CNTNAP5: variants seen among roughly 807,000 people sequenced by gnomAD.
CNTNAP5 encodes contactin associated protein family member 5.
In CNTNAP5, 72 loss-of-function variants were observed where a neutral mutation model predicts 150.2. That is an observed-to-expected ratio of 0.48 (90% confidence interval 0.40 to 0.58). CNTNAP5 has a LOEUF of 0.58. CNTNAP5 is among the 20% of genes least tolerant of loss of function. CNTNAP5 has a pLI of 0.00. For synonymous variants in CNTNAP5, 672 were observed against 619.8 expected, an observed-to-expected ratio of 1.08 and a Z score of -1.25; for missense variants, 1,636 against 1,626.2, an observed-to-expected ratio of 1.01 and a Z score of -0.10.
intron 3 of CNTNAP5, among the ~76,000 whole-genome samples, chr2:124,398,277 G>A (rs1238231603): frequency 6.6e-6 from 1 of 152,116 alleles, no homozygotes; most frequent in Non-Finnish European, 1.5e-5. Context: ...CCATTAGGAT[G>A]AACAAGGAGA....
At chr2:124,246,260 C>T (rs373327381) in intron 3 of CNTNAP5, among the ~76,000 whole-genome samples, 1 of 152,072 alleles carries the variant, frequency 6.6e-6, no homozygotes, top group Non-Finnish European at 1.5e-5. Context: ...TTGCAATGTA[C>T]GGTAGCAATT....
chr2:124,429,553 T>C (rs75147847), intron 4 of CNTNAP5, among the ~76,000 whole-genome samples: 12,908 of 152,222 alleles, frequency 0.085, 675 homozygotes, highest in Admixed American at 0.13. Flanking sequence ...GGCTGGAGCC[T>C]GTTGTGTGCA....
chr2:124,735,795 A>C (rs1470916601), intron 13 of CNTNAP5, among the ~76,000 whole-genome samples: 1 of 152,174 alleles, frequency 6.6e-6, no homozygotes, highest in African/African-American at 2.4e-5. Context: ...TTTATCTGTA[A>C]GATGAGAATG....
intron 17 of CNTNAP5, among the ~76,000 whole-genome samples, chr2:124,775,157 C>T (rs560173915): frequency 6.6e-6 from 1 of 152,224 alleles, no homozygotes; most frequent in African/African-American, 2.4e-5. Flanking sequence ...TTTGAATTTT[C>T]CTATTTAGAG....
chr2:124,251,697 G>A (rs1476276838), intron 3 of CNTNAP5, among the ~76,000 whole-genome samples: 1 of 152,148 alleles, frequency 6.6e-6, no homozygotes, highest in Non-Finnish European at 1.5e-5. Flanking sequence ...GGAGGAATAT[G>A]CACAGATGGG....
chr2:124,157,593 G>A (rs901396874), intron 1 of CNTNAP5, among the ~76,000 whole-genome samples: 1 of 152,096 alleles, frequency 6.6e-6, no homozygotes, highest in Non-Finnish European at 1.5e-5. Flanking sequence ...GAAGAAAGAA[G>A]GGGTCCATAC....
chr2:124,827,465 A>G, intron 19 of CNTNAP5, among the ~76,000 whole-genome samples: 1 of 152,042 alleles, frequency 6.6e-6, no homozygotes, highest in East Asian at 1.9e-4. Context: ...AGATCTTCTA[A>G]ATCTGATGTT....
At chr2:124,080,154 C>A (rs1558748027) in intron 1 of CNTNAP5, among the ~76,000 whole-genome samples, 1 of 152,122 alleles carries the variant, frequency 6.6e-6, no homozygotes, top group African/African-American at 2.4e-5. Flanking sequence ...GTTAAAATAG[C>A]ATTTTCCTTA....
intron 1 of CNTNAP5, among the ~76,000 whole-genome samples, chr2:124,130,996 C>G (rs1458568359): frequency 6.6e-6 from 1 of 152,024 alleles, no homozygotes; most frequent in Non-Finnish European, 1.5e-5. Flanking sequence ...GAAGAATATT[C>G]ACATAAATAT....
chr2:124,134,657 G>A (rs1046699333), intron 1 of CNTNAP5, among the ~76,000 whole-genome samples: 4 of 152,096 alleles, frequency 2.6e-5, no homozygotes, highest in African/African-American at 9.7e-5. Context: ...TAATTGAAAT[G>A]AAAGACACAC....
chr2:124,288,017 C>T (rs572702150), intron 3 of CNTNAP5, among the ~76,000 whole-genome samples: 147 of 152,156 alleles, frequency 9.7e-4, no homozygotes, highest in Non-Finnish European at 1.7e-3. Flanking sequence ...GCAGCCATGA[C>T]CTCCCTGGCT....
At chr2:124,561,840 T>C (rs969204327) in intron 10 of CNTNAP5, among the ~76,000 whole-genome samples, 7 of 152,226 alleles carry the variant, frequency 4.6e-5, no homozygotes, top group Non-Finnish European at 1.0e-4. Context: ...CTCAGATTCT[T>C]AGTGGCTTCA....
intron 8 of CNTNAP5, among the ~76,000 whole-genome samples, chr2:124,523,273 G>A (rs1479706644): frequency 1.3e-5 from 2 of 152,164 alleles, no homozygotes; most frequent in Non-Finnish European, 2.9e-5. Context: ...CTTTGCAAGC[G>A]AGGAAACTGA....
At chr2:124,490,614 A>T (rs907320366) in intron 7 of CNTNAP5, among the ~76,000 whole-genome samples, 2 of 152,110 alleles carry the variant, frequency 1.3e-5, no homozygotes, top group Non-Finnish European at 2.9e-5. Flanking sequence ...ATAATGATGC[A>T]CTAGATTTGT....
intron 7 of CNTNAP5, among the ~76,000 whole-genome samples, chr2:124,481,395 C>G (rs963317703): frequency 6.6e-6 from 1 of 152,160 alleles, no homozygotes; most frequent in African/African-American, 2.4e-5. Flanking sequence ...AGTGTTATGA[C>G]TTTTCCTTTC....
At chr2:124,157,523 C>T (rs189970125) in intron 1 of CNTNAP5, among the ~76,000 whole-genome samples, 195 of 152,138 alleles carry the variant, frequency 1.3e-3, no homozygotes, top group Non-Finnish European at 2.4e-3. Context: ...CTGAAATTTC[C>T]TCACTTACTT....
intron 22 of CNTNAP5, among the ~76,000 whole-genome samples, chr2:124,904,679 A>G (rs1678490829): frequency 6.6e-6 from 1 of 152,172 alleles, no homozygotes; most frequent in African/African-American, 2.4e-5. Context: ...ATCCACATGC[A>G]AAAGAATAGA....
chr2:124,694,422 G>A (rs1269331643), intron 13 of CNTNAP5, among the ~76,000 whole-genome samples: 1 of 152,058 alleles, frequency 6.6e-6, no homozygotes, highest in Non-Finnish European at 1.5e-5. Context: ...CTGAGCACCA[G>A]GCTCTTTTCT....
At chr2:124,750,580 A>G (rs939737284) in intron 14 of CNTNAP5, among the ~76,000 whole-genome samples, 1 of 152,158 alleles carries the variant, frequency 6.6e-6, no homozygotes, top group Non-Finnish European at 1.5e-5. Context: ...CTGTGCAGAG[A>G]AAGTCAGGGG....
Sources: gnomAD v4.1 joint callset for allele counts (sites outside exome capture counted in the v4.1 genomes callset) on GRCh38, gnomAD v4.1.1 for gene constraint, MANE v1.5 for transcripts, NCBI Gene and HGNC (gene_info 2026-07-23, HGNC 2026-07-21) for gene names.